FRMD5: variants seen among roughly 807,000 people sequenced by gnomAD.
FRMD5 encodes the protein FERM domain containing 5, also known as FERM domain-containing protein 5.
FRMD5 carries 20 observed loss-of-function variants against 69.0 expected under a neutral mutation model. The ratio of observed to expected loss-of-function variants is 0.29; its 90% CI spans 0.20 to 0.42. The LOEUF (loss-of-function observed/expected upper bound fraction) is 0.42. Among genes scored for constraint, FRMD5 ranks in the 10% least tolerant of loss-of-function variants. The pLI is 1.00. For missense variants in FRMD5, 595 were observed against 708.6 expected (o/e 0.84, Z 1.82); for synonymous variants, 271 against 260.1 (o/e 1.04, Z -0.40).
Position 44,173,766 on chromosome 15 carries a change from G to A in FRMD5, c.102+21187C>T, listed in dbSNP as rs147651438. Reference sequence around the variant, plus strand: ...TGAGCTCAAGCGATCCTCCCATCTCGGCTTCCCAAAGTGCTGGGATTACAG... The same window carrying A: ...TGAGCTCAAGCGATCCTCCCATCTCAGCTTCCCAAAGTGCTGGGATTACAG... On this transcript the variant is annotated intron_variant, in intron 1 of 13. Coordinates refer to ENST00000417257, the MANE Select transcript of FRMD5 (RefSeq NM_032892.5). Among the ~76,000 whole-genome samples the A allele has an allele frequency of 2.8e-4, 42 of 152,106 alleles. 2 individuals carry two copies. Among genetic ancestry groups the A allele is most frequent in the African/African-American group, 8.4e-4 (35 of 41,496 alleles).
intron 1 of FRMD5, among the ~76,000 whole-genome samples, chr15:44,088,183 C>A (rs1894283099): frequency 6.6e-6 from 1 of 152,052 alleles, no homozygotes. Context: ...ACTCATTTAA[C>A]ATATAAAATT....
chr15:44,042,491 G>T (rs1892242456), intron 1 of FRMD5, among the ~76,000 whole-genome samples: 1 of 152,170 alleles, frequency 6.6e-6, no homozygotes, highest in Middle Eastern at 3.4e-3. Flanking sequence ...AAAATTTTAG[G>T]CCAATATCCC....
chr15:44,086,037 G>A (rs1894184675), intron 1 of FRMD5, among the ~76,000 whole-genome samples: 2 of 152,092 alleles, frequency 1.3e-5, no homozygotes, highest in Admixed American at 1.3e-4. Context: ...TTAAAAGGTA[G>A]AACCAAGAGG....
At chr15:43,998,680 A>G (rs1390156601) in intron 1 of FRMD5, among the ~76,000 whole-genome samples, 1 of 152,234 alleles carries the variant, frequency 6.6e-6, no homozygotes, top group Non-Finnish European at 1.5e-5. Flanking sequence ...GTGCTTTTTC[A>G]GATCTAATAA....
At chr15:43,980,365 T>C (rs927890342) in intron 1 of FRMD5, among the ~76,000 whole-genome samples, 3 of 152,234 alleles carry the variant, frequency 2.0e-5, no homozygotes, top group African/African-American at 4.8e-5. Flanking sequence ...TCATTGCTAT[T>C]AGAAAGTTAG....
chr15:43,945,318 A>G (rs2089928187), intron 1 of FRMD5, among the ~76,000 whole-genome samples: 1 of 152,168 alleles, frequency 6.6e-6, no homozygotes. Context: ...TGGTCATTAT[A>G]GGAAGTAAAG....
In FRMD5 at chr15:44,043,723, T is replaced by C. The variant is rs185264783; in HGVS notation, c.103-119414A>G. ...GTGTTGGGAAAACTGGCTAGCCATA[T>C]GCAGAAAGCTGAAACTGGATCCCTT... On this transcript the variant is annotated intron_variant, in intron 1 of 13. Coordinates refer to ENST00000417257, the MANE Select transcript of FRMD5 (RefSeq NM_032892.5). Among the ~76,000 whole-genome samples, 1,478 of 152,320 alleles carry C rather than the reference T, an allele frequency of 9.7e-3. 10 individuals carry two copies. Among genetic ancestry groups the C allele is most frequent in the Middle Eastern group, 0.024 (7 of 294 alleles).
At chr15:44,048,078 G>A (rs1391544872) in intron 1 of FRMD5, among the ~76,000 whole-genome samples, 1 of 151,864 alleles carries the variant, frequency 6.6e-6, no homozygotes, top group Non-Finnish European at 1.5e-5. Context: ...TCTTAGGAGT[G>A]GTATTGCTGG....
chr15:44,174,510 T>C (rs2077859579), intron 1 of FRMD5, among the ~76,000 whole-genome samples: 1 of 152,204 alleles, frequency 6.6e-6, no homozygotes, highest in African/African-American at 2.4e-5. Flanking sequence ...CCAAGCACAG[T>C]AATTTTGGAA....
intron 1 of FRMD5, among the ~76,000 whole-genome samples, chr15:43,934,360 CCTCTTATGTG>C (rs959967152): frequency 1.3e-5 from 2 of 152,136 alleles, no homozygotes; most frequent in Admixed American, 1.3e-4. Context: ...AATCTCATGT[CCTCTTATGTG>C]CTCAAAATCC....
rs1216854758 is a variant in FRMD5 at position 43,876,109 on chromosome 15, C to T, written c.1136-1647G>A. 7 of 1,447,868 alleles carry T rather than the reference C, an allele frequency of 4.8e-6. No individual in the cohort carries two copies. The African/African-American group carries it at 7.0e-5, about 14-fold the overall frequency. 89.7% of individuals were successfully genotyped at this position (1,447,868 alleles called of 1,614,324 possible). ...GCTTCCATGATTTTGCCATGTTTTT[C>T]CCATAGAATGTGTCTGACCTTTACT... is the stretch of plus-strand genomic sequence containing the variant. On this transcript the variant is annotated intron_variant, in intron 13 of 13. Transcript: ENST00000417257.
intron 1 of FRMD5, among the ~76,000 whole-genome samples, chr15:44,022,788 T>C (rs1242826924): frequency 6.6e-6 from 1 of 152,116 alleles, no homozygotes; most frequent in Non-Finnish European, 1.5e-5. Context: ...GGGACACATG[T>C]GAAATGGAAG....
intron 1 of FRMD5, among the ~76,000 whole-genome samples, chr15:44,053,946 A>G (rs557523251): frequency 3.9e-5 from 6 of 152,372 alleles, no homozygotes; most frequent in Admixed American, 3.3e-4. Flanking sequence ...TGAGATTAAT[A>G]ATTTCCATTT....
chr15:43,991,503 C>G (rs113029025), intron 1 of FRMD5, among the ~76,000 whole-genome samples: 4 of 152,274 alleles, frequency 2.6e-5, no homozygotes, highest in African/African-American at 9.6e-5. Flanking sequence ...CTCCAGAGCA[C>G]CTGCCTGGGT....
At position 43,874,479 on chromosome 15, in the gene FRMD5, A is replaced by C; in HGVS notation, c.1136-17T>G. On this transcript the variant is annotated splice_polypyrimidine_tract_variant and intron_variant, in intron 13 of 13. Transcript: ENST00000417257. ...ACTCTAGGCCTAGAAAGGCAAAAGG[A>C]ACATGAGTAGGCTGTGTCCCAATGC... 6.3e-7 allele frequency: 1 copy of C among 1,598,738 alleles called. No homozygotes were observed. Among genetic ancestry groups the C allele is most frequent in the East Asian group, 2.2e-5 (1 of 44,782 alleles).
chr15:43,932,683 A>C (rs1395460119), intron 1 of FRMD5, among the ~76,000 whole-genome samples: 1 of 152,244 alleles, frequency 6.6e-6, no homozygotes, highest in East Asian at 1.9e-4. Flanking sequence ...TCTCTCAAAA[A>C]ACAGAACAGG....
In FRMD5 at chr15:43,891,989, G is replaced by A. The variant is rs749077348; in HGVS notation, c.720C>T (p.Phe240=). The change falls in exon 8 of 14, where the codon TTC becomes TTT. Residue 240 remains phenylalanine (F), a synonymous_variant. Transcript: ENST00000417257. ...VVLQGNKRVH[F]IKWNEVTKLK... is the part of the protein sequence containing the mutation. ...GAAATGAAGATGCTCACCATTTAAT[G>A]AAGTGGACCCTCTTGTTTCCTTGAA... 39 of 1,613,760 alleles carry A rather than the reference G, an allele frequency of 2.4e-5. No individual in the cohort carries two copies. The highest frequency in any genetic ancestry group is 1.4e-5 in the Non-Finnish European group (17 of 1,179,746).
At chr15:44,093,910 G>GA (rs147529490) in intron 1 of FRMD5, among the ~76,000 whole-genome samples, 41 of 148,084 alleles carry the variant, frequency 2.8e-4, no homozygotes, top group Admixed American at 1.9e-3. Flanking sequence ...CAGCCCCACT[G>GA]AAAAAAAAAA....
At chr15:44,111,133 C>A (rs1456153287) in intron 1 of FRMD5, among the ~76,000 whole-genome samples, 1 of 152,160 alleles carries the variant, frequency 6.6e-6, no homozygotes, top group Non-Finnish European at 1.5e-5. Flanking sequence ...TTTTAACTCT[C>A]ATGTATACAT....
Sources: gnomAD v4.1 joint callset for allele counts (sites outside exome capture counted in the v4.1 genomes callset) on GRCh38, gnomAD v4.1.1 for gene constraint, MANE v1.5 for transcripts, NCBI Gene and HGNC (gene_info 2026-07-23, HGNC 2026-07-21) for gene names.